ARHGAP15: variants seen among roughly 807,000 people sequenced by gnomAD.
ARHGAP15 encodes Rho GTPase activating protein 15.
ARHGAP15 carries 51 observed loss-of-function variants against 63.7 expected under a neutral mutation model. The ratio of observed to expected loss-of-function variants is 0.80; its 90% CI spans 0.64 to 1.01. The LOEUF (loss-of-function observed/expected upper bound fraction) is 1.01, where lower values mean the gene tolerates loss of function less well. Among genes scored for constraint, ARHGAP15 ranks in the 50% least tolerant of loss-of-function variants. The pLI is 0.00. For missense variants in ARHGAP15, 560 were observed against 564.6 expected, an observed-to-expected ratio of 0.99 and a Z score of 0.08; for synonymous variants, 191 against 193.8, an observed-to-expected ratio of 0.99 and a Z score of 0.12.
intron 8 of ARHGAP15, among the ~76,000 whole-genome samples, chr2:143,458,396 G>C (rs1365453425): frequency 6.6e-6 from 1 of 152,156 alleles, no homozygotes; most frequent in Non-Finnish European, 1.5e-5. Context: ...AGTAGGACCA[G>C]AGCTTTGACC....
intron 12 of ARHGAP15, among the ~76,000 whole-genome samples, chr2:143,657,179 T>C (rs913744693): frequency 2.0e-5 from 3 of 152,100 alleles, no homozygotes; most frequent in African/African-American, 7.2e-5. Context: ...ACCCCCTCTC[T>C]ACTAAAAATC....
intron 3 of ARHGAP15, among the ~76,000 whole-genome samples, chr2:143,215,520 T>C (rs1006070567): frequency 1.3e-5 from 2 of 151,624 alleles, no homozygotes; most frequent in African/African-American, 4.9e-5. Context: ...ACTGAGGGAG[T>C]GTGGTCCTCT....
At chr2:143,676,996 C>T (rs1682858981) in intron 12 of ARHGAP15, among the ~76,000 whole-genome samples, 2 of 152,216 alleles carry the variant, frequency 1.3e-5, no homozygotes, top group Non-Finnish European at 2.9e-5. Context: ...TTGTGCATTT[C>T]AGTGTCTGAT....
intron 13 of ARHGAP15, among the ~76,000 whole-genome samples, chr2:143,742,143 G>A (rs1015584702): frequency 6.6e-6 from 1 of 152,130 alleles, no homozygotes; most frequent in African/African-American, 2.4e-5. Flanking sequence ...ATCTCCTTAG[G>A]ACACACCAGA....
intron 8 of ARHGAP15, among the ~76,000 whole-genome samples, chr2:143,475,338 T>G (rs1220608260): frequency 6.6e-6 from 1 of 152,240 alleles, no homozygotes; most frequent in African/African-American, 2.4e-5. Flanking sequence ...TGTCCTCAGA[T>G]CTGCTCAGAG....
chr2:143,365,359 G>A (rs1574338914), intron 6 of ARHGAP15, among the ~76,000 whole-genome samples: 1 of 152,184 alleles, frequency 6.6e-6, no homozygotes, highest in African/African-American at 2.4e-5. Context: ...GTTGCTTTAG[G>A]TCTTAGGGAA....
At chr2:143,194,866 A>G (rs1691828031) in intron 2 of ARHGAP15, among the ~76,000 whole-genome samples, 1 of 152,198 alleles carries the variant, frequency 6.6e-6, no homozygotes, top group Non-Finnish European at 1.5e-5. Flanking sequence ...TGTGGAACAC[A>G]TGTGTTTGGG....
intron 13 of ARHGAP15, among the ~76,000 whole-genome samples, chr2:143,707,860 T>C (rs751775971): frequency 6.6e-6 from 1 of 152,230 alleles, no homozygotes; most frequent in African/African-American, 2.4e-5. Context: ...TACAGTCTTT[T>C]GCATATTCAA....
chr2:143,700,551 C>T (rs571537155), intron 12 of ARHGAP15, among the ~76,000 whole-genome samples: 9 of 152,214 alleles, frequency 5.9e-5, no homozygotes, highest in Admixed American at 2.0e-4. Context: ...CTCCTCTCTC[C>T]TCTCCTCTCA....
intron 1 of ARHGAP15, among the ~76,000 whole-genome samples, chr2:143,153,828 TTCTTCTTCTTCTTCTTCCTCC>T (rs1558779367): frequency 1.1e-4 from 8 of 75,638 alleles, no homozygotes; most frequent in African/African-American, 3.3e-4. Context: ...CTTCTTCTTC[TTCTTCTTCTTCTTCTTCCTCC>T]TCCTCCTCCT....
chr2:143,446,597 G>A (rs1252655428), intron 8 of ARHGAP15, among the ~76,000 whole-genome samples: 1 of 151,886 alleles, frequency 6.6e-6, no homozygotes, highest in African/African-American at 2.4e-5. Flanking sequence ...AATCTCTAGA[G>A]ATTAAAGTTT....
chr2:143,283,178 G>C (rs969149517), intron 6 of ARHGAP15, among the ~76,000 whole-genome samples: 1 of 152,086 alleles, frequency 6.6e-6, no homozygotes, highest in Non-Finnish European at 1.5e-5. Flanking sequence ...CAGCAAACTT[G>C]TAAATTTTTG....
intron 10 of ARHGAP15, among the ~76,000 whole-genome samples, chr2:143,547,330 G>T (rs1224584728): frequency 1.3e-5 from 2 of 152,016 alleles, no homozygotes; most frequent in Admixed American, 6.6e-5. Flanking sequence ...TATCACATTA[G>T]CCACACTGGA....
intron 11 of ARHGAP15, among the ~76,000 whole-genome samples, chr2:143,562,685 G>T (rs1459533564): frequency 1.3e-5 from 2 of 152,138 alleles, no homozygotes; most frequent in East Asian, 3.9e-4. Context: ...ATCATTCAGG[G>T]CTTTGGAAAC....
chr2:143,516,747 C>G (rs1047295218), intron 9 of ARHGAP15, among the ~76,000 whole-genome samples: 3 of 151,986 alleles, frequency 2.0e-5, no homozygotes, highest in Non-Finnish European at 4.4e-5. Flanking sequence ...TTATTTTTTC[C>G]TAGATAATAT....
At chr2:143,208,278 T>C (rs1330115890) in intron 3 of ARHGAP15, among the ~76,000 whole-genome samples, 1 of 152,192 alleles carries the variant, frequency 6.6e-6, no homozygotes, top group Non-Finnish European at 1.5e-5. Context: ...TTTGGCCAAA[T>C]TTATCAAAGT....
intron 10 of ARHGAP15, among the ~76,000 whole-genome samples, chr2:143,534,006 T>C (rs1464034989): frequency 6.6e-6 from 1 of 152,148 alleles, no homozygotes; most frequent in African/African-American, 2.4e-5. Context: ...ATCTGACACC[T>C]CTCATCTCTC....
intron 5 of ARHGAP15, among the ~76,000 whole-genome samples, chr2:143,229,274 C>T (rs1205403384): frequency 2.0e-5 from 3 of 152,062 alleles, no homozygotes; most frequent in Non-Finnish European, 4.4e-5. Flanking sequence ...TTTTTATCTT[C>T]GTCTAACTGT....
At chr2:143,292,978 A>C (rs1682474240) in intron 6 of ARHGAP15, among the ~76,000 whole-genome samples, 1 of 152,048 alleles carries the variant, frequency 6.6e-6, no homozygotes, top group Non-Finnish European at 1.5e-5. Context: ...TTTTCTTCGA[A>C]CTTTTCCTTT....
Sources: gnomAD v4.1 joint callset for allele counts (sites outside exome capture counted in the v4.1 genomes callset) on GRCh38, gnomAD v4.1.1 for gene constraint, MANE v1.5 for transcripts, NCBI Gene and HGNC (gene_info 2026-07-23, HGNC 2026-07-21) for gene names.